Variants in TMEM132B observed in about 807,000 individuals in gnomAD.
TMEM132B encodes transmembrane protein 132B.
Under a neutral mutation model 90.8 loss-of-function variants are expected in TMEM132B, and 18 were observed. That is an observed-to-expected ratio of 0.20 (90% CI 0.14 to 0.29). TMEM132B has a LOEUF of 0.29. Among genes scored for constraint, TMEM132B ranks in the 10% least tolerant of loss-of-function variants. TMEM132B has a pLI of 1.00. For missense variants in TMEM132B, 1,096 were observed against 1,326.8 expected (o/e 0.83, Z 2.70); for synonymous variants, 504 against 523.3 (o/e 0.96, Z 0.50).
chr12:125,644,786 T>A (rs374805216), intron 6 of TMEM132B, among the ~76,000 whole-genome samples: 1 of 152,190 alleles, frequency 6.6e-6, no homozygotes, highest in East Asian at 1.9e-4. Flanking sequence ...GCCTGAATTT[T>A]AACCCCAGCT....
chr12:125,304,386 T>C (rs945177796), intron 1 of TMEM132B, among the ~76,000 whole-genome samples: 2 of 152,292 alleles, frequency 1.3e-5, no homozygotes, highest in South Asian at 4.2e-4. Flanking sequence ...TTATTTATTT[T>C]GGTTGCTTTT....
intron 2 of TMEM132B, among the ~76,000 whole-genome samples, chr12:125,409,035 G>T (rs927187442): frequency 1.3e-5 from 2 of 152,174 alleles, no homozygotes; most frequent in Non-Finnish European, 2.9e-5. Flanking sequence ...AGACAGTCCT[G>T]GAGTGCATCA....
chr12:125,508,217 A>G (rs1882894261), intron 3 of TMEM132B, among the ~76,000 whole-genome samples: 1 of 152,152 alleles, frequency 6.6e-6, no homozygotes, highest in African/African-American at 2.4e-5. Context: ...AGTAAGTACA[A>G]TCAAATATCT....
chr12:125,303,641 C>T (rs897599916), intron 1 of TMEM132B, among the ~76,000 whole-genome samples: 1 of 152,182 alleles, frequency 6.6e-6, no homozygotes, highest in Non-Finnish European at 1.5e-5. Context: ...TGTATTTTCC[C>T]AGACATTATT....
chr12:125,454,982 G>C (rs1364299992), intron 3 of TMEM132B, among the ~76,000 whole-genome samples: 1 of 152,174 alleles, frequency 6.6e-6, no homozygotes, highest in Non-Finnish European at 1.5e-5. Context: ...CACCATCCAA[G>C]GCCCTCAAGC....
chr12:125,522,654 G>A (rs1388266776), intron 4 of TMEM132B, among the ~76,000 whole-genome samples: 1 of 152,194 alleles, frequency 6.6e-6, no homozygotes, highest in Non-Finnish European at 1.5e-5. Context: ...TACTGAAGGT[G>A]GACCTTGGGG....
intron 3 of TMEM132B, among the ~76,000 whole-genome samples, chr12:125,510,306 G>T (rs754220762): frequency 3.3e-5 from 5 of 152,082 alleles, no homozygotes; most frequent in African/African-American, 4.8e-5. Context: ...GAAAATGTTG[G>T]TAAGCAAAAA....
intron 1 of TMEM132B, among the ~76,000 whole-genome samples, chr12:125,289,563 A>G (rs1010464674): frequency 2.6e-5 from 4 of 152,222 alleles, no homozygotes; most frequent in African/African-American, 9.6e-5. Context: ...CTATTTGACA[A>G]TGGAACCCAG....
chr12:125,632,037 T>A (rs1158630262), intron 5 of TMEM132B, among the ~76,000 whole-genome samples: 1 of 152,104 alleles, frequency 6.6e-6, no homozygotes, highest in African/African-American at 2.4e-5. Context: ...GTTTTCTGGT[T>A]GTTTTGTACT....
chr12:125,398,836 G>A (rs1055150139), intron 2 of TMEM132B, among the ~76,000 whole-genome samples: 8 of 152,330 alleles, frequency 5.3e-5, no homozygotes, highest in African/African-American at 1.9e-4. Context: ...GCATGGCTCA[G>A]CTGGGTCCTC....
chr12:125,616,308 T>A (rs1047806717), intron 5 of TMEM132B, among the ~76,000 whole-genome samples: 1 of 152,110 alleles, frequency 6.6e-6, no homozygotes, highest in Admixed American at 6.5e-5. Flanking sequence ...ATGGTGTATA[T>A]GACACTTTTA....
chr12:125,322,357 A>C (rs1220289579), intron 1 of TMEM132B, among the ~76,000 whole-genome samples: 1 of 152,250 alleles, frequency 6.6e-6, no homozygotes, highest in Non-Finnish European at 1.5e-5. Flanking sequence ...CTGTGAGTCC[A>C]TTAAACCTCT....
In TMEM132B at chr12:125,408,736, G is replaced by C. The variant is rs1419886809; in HGVS notation, c.960-6795G>C. On this transcript the variant is annotated intron_variant, in intron 2 of 8. Coordinates refer to ENST00000682704, the MANE Select transcript of TMEM132B (RefSeq NM_001366854.1). The surrounding 1 kb of genome is among the most constrained non-coding windows in gnomAD (Gnocchi z 5.9). ...TGTGTTTCTGTTGGGCATAAACCGAGGAGTGGCAATGCTGTTACAGGGTCT... is the reference window on the plus strand; with the variant it reads ...TGTGTTTCTGTTGGGCATAAACCGACGAGTGGCAATGCTGTTACAGGGTCT... Among the ~76,000 whole-genome samples, 2 of 152,168 alleles carry C rather than the reference G, an allele frequency of 1.3e-5. No homozygotes were observed. The highest frequency in any genetic ancestry group is 2.9e-5 in the Non-Finnish European group (2 of 68,026).
chr12:125,583,325 T>TC (rs1299042566), intron 4 of TMEM132B, among the ~76,000 whole-genome samples: 1 of 152,070 alleles, frequency 6.6e-6, no homozygotes, highest in African/African-American at 2.4e-5. Flanking sequence ...TCTGGAGGTG[T>TC]CGGGGAGGTG....
At chr12:125,611,740 T>C (rs1167633443) in intron 5 of TMEM132B, among the ~76,000 whole-genome samples, 1 of 152,176 alleles carries the variant, frequency 6.6e-6, no homozygotes, top group Non-Finnish European at 1.5e-5. Flanking sequence ...TCTAAATTTC[T>C]GATTTAAGTC....
intron 1 of TMEM132B, among the ~76,000 whole-genome samples, chr12:125,247,556 G>A (rs529210092): frequency 2.6e-5 from 4 of 152,314 alleles, no homozygotes; most frequent in Middle Eastern, 6.8e-3. Context: ...TTTAGGGGTG[G>A]CTGACATATC....
At chr12:125,348,233 G>A (rs1329060747) in intron 1 of TMEM132B, among the ~76,000 whole-genome samples, 3 of 152,004 alleles carry the variant, frequency 2.0e-5, no homozygotes, top group African/African-American at 7.3e-5. Flanking sequence ...TTAGTTTCCT[G>A]TTGATCAACC....
chr12:125,652,923 G>A (rs138574927), intron 8 of TMEM132B, among the ~76,000 whole-genome samples: 2 of 152,316 alleles, frequency 1.3e-5, no homozygotes, highest in East Asian at 1.9e-4. Flanking sequence ...AAAGGATCAC[G>A]TGTTTTCACT....
At chr12:125,392,307 A>T (rs1308268220) in intron 2 of TMEM132B, among the ~76,000 whole-genome samples, 1 of 152,132 alleles carries the variant, frequency 6.6e-6, no homozygotes, top group Non-Finnish European at 1.5e-5. Flanking sequence ...GTGGTTAAAA[A>T]TGGGTTGGAA....
Sources: gnomAD v4.1 joint callset for allele counts (sites outside exome capture counted in the v4.1 genomes callset) on GRCh38, gnomAD v4.1.1 for gene constraint, Gnocchi (gnomAD v3.1) non-coding constraint, MANE v1.5 for transcripts, NCBI Gene and HGNC (gene_info 2026-07-23, HGNC 2026-07-21) for gene names.